Variants in GRIK4 observed in about 807,000 individuals in gnomAD.
The protein encoded by GRIK4 is glutamate receptor ionotropic, kainate 4.
In GRIK4, 40 loss-of-function variants were observed where a neutral mutation model predicts 104.9. The observed-to-expected ratio is 0.38, with a 90% CI of 0.30 to 0.50. GRIK4 has a LOEUF of 0.50. Ranked by LOEUF, GRIK4 falls within the 20% of genes least tolerant of loss-of-function variation. The pLI is 0.93. For missense variants in GRIK4, 1,047 were observed against 1,308.1 expected (o/e 0.80, Z 3.08); for synonymous variants, 485 against 524.9 (o/e 0.92, Z 1.04).
intron 14 of GRIK4, among the ~76,000 whole-genome samples, chr11:120,950,209 G>C (rs934726133): frequency 6.6e-6 from 1 of 152,166 alleles, no homozygotes; most frequent in Admixed American, 6.5e-5. Flanking sequence ...TGCTCTTCTG[G>C]TTGGCGTCAG....
intron 16 of GRIK4, among the ~76,000 whole-genome samples, chr11:120,958,697 T>G (rs760751069): frequency 1.3e-5 from 2 of 152,248 alleles, no homozygotes; most frequent in African/African-American, 2.4e-5. Context: ...GGGTTTGCAC[T>G]GAGCCGCTTG....
At chr11:120,792,449 T>C (rs919474270) in intron 3 of GRIK4, among the ~76,000 whole-genome samples, 5 of 151,836 alleles carry the variant, frequency 3.3e-5, no homozygotes, top group African/African-American at 1.2e-4. Flanking sequence ...CTCTGGCAGC[T>C]AGGAGAGGGT....
chr11:120,871,851 G>A, intron 9 of GRIK4: 1 of 456,340 alleles, frequency 2.2e-6, no homozygotes, highest in Non-Finnish European at 4.4e-6. Context: ...AGGTAGTTTT[G>A]TGATGCGGGT....
At chr11:120,638,407 A>C (rs1949426404) in intron 1 of GRIK4, among the ~76,000 whole-genome samples, 2 of 152,206 alleles carry the variant, frequency 1.3e-5, no homozygotes, top group East Asian at 1.9e-4. Context: ...TTGGTGGTGG[A>C]GCTAGAATTT....
intron 19 of GRIK4, among the ~76,000 whole-genome samples, chr11:120,969,390 C>A (rs1365452528): frequency 6.6e-6 from 1 of 152,112 alleles, no homozygotes; most frequent in Non-Finnish European, 1.5e-5. Context: ...GCATTGCAGG[C>A]AGATACGCAC....
chr11:120,854,109 A>G (rs1240730304), intron 8 of GRIK4, among the ~76,000 whole-genome samples: 1 of 152,262 alleles, frequency 6.6e-6, no homozygotes, highest in Non-Finnish European at 1.5e-5. Flanking sequence ...AGCTTCATTC[A>G]GCCACATCCG....
intron 3 of GRIK4, among the ~76,000 whole-genome samples, chr11:120,717,278 G>A (rs1319737070): frequency 6.6e-6 from 1 of 152,210 alleles, no homozygotes; most frequent in Non-Finnish European, 1.5e-5. Context: ...GGTGGGCAAC[G>A]CTGCAGGAAC....
At chr11:120,728,100 A>G (rs1024846646) in intron 3 of GRIK4, among the ~76,000 whole-genome samples, 1 of 152,178 alleles carries the variant, frequency 6.6e-6, no homozygotes, top group Non-Finnish European at 1.5e-5. Context: ...ATATTAACTC[A>G]GAAGAACCAA....
At chr11:120,759,942 A>G (rs992209903) in intron 3 of GRIK4, among the ~76,000 whole-genome samples, 3 of 152,136 alleles carry the variant, frequency 2.0e-5, no homozygotes, top group Admixed American at 2.0e-4. Flanking sequence ...TAACATGTCT[A>G]TTATCACACA....
Position 120,632,758 on chromosome 11 carries a change from C to T in GRIK4, c.-158-20927C>T, listed in dbSNP as rs1346938674. On this transcript the variant is annotated intron_variant, in intron 1 of 20. Transcript: ENST00000527524. ...GATCTCCTGCAACCCCTTGCACTACCACCAGCATCCCCCAGAGGCTTCTGT... is the reference window on the plus strand; with the variant it reads ...GATCTCCTGCAACCCCTTGCACTACTACCAGCATCCCCCAGAGGCTTCTGT... Among the ~76,000 whole-genome samples, 3 of 152,078 alleles carry T rather than the reference C, an allele frequency of 2.0e-5. No homozygotes were observed. In the East Asian group the frequency reaches 5.8e-4, roughly 30 times the overall value.
intron 1 of GRIK4, among the ~76,000 whole-genome samples, chr11:120,618,002 A>G (rs542165949): frequency 6.6e-6 from 1 of 152,312 alleles, no homozygotes; most frequent in Admixed American, 6.5e-5. Context: ...GCAGAGGCTG[A>G]GAGAGTATGG....
intron 3 of GRIK4, among the ~76,000 whole-genome samples, chr11:120,775,740 C>A (rs1205769445): frequency 1.3e-5 from 2 of 152,256 alleles, no homozygotes; most frequent in Non-Finnish European, 2.9e-5. Flanking sequence ...GACAATCCGA[C>A]AATCCTGATG....
At chr11:120,982,281 G>T in intron 20 of GRIK4, 57 bp downstream of exon 20, 1 of 917,256 alleles carries the variant, frequency 1.1e-6, no homozygotes. Flanking sequence ...AAGTTCACAG[G>T]CTCATGCACA....
intron 1 of GRIK4, among the ~76,000 whole-genome samples, chr11:120,575,094 G>A (rs1050055261): frequency 2.0e-5 from 3 of 152,176 alleles, no homozygotes; most frequent in Non-Finnish European, 2.9e-5. Context: ...TGCTCATCAG[G>A]CTTCTCAGCT....
chr11:120,836,327 T>C (rs1953573903), intron 7 of GRIK4, among the ~76,000 whole-genome samples: 1 of 152,232 alleles, frequency 6.6e-6, no homozygotes, highest in African/African-American at 2.4e-5. Flanking sequence ...GGAGGAATAA[T>C]AGCGCCAACC....
Position 120,961,089 on chromosome 11 carries a change from G to T in GRIK4, c.2040+15G>T. 6.2e-7 allele frequency: 1 copy of T among 1,611,700 alleles called. No individual in the cohort carries two copies. The highest frequency in any genetic ancestry group is 8.5e-7 in the Non-Finnish European group (1 of 1,178,398). Reference sequence around the variant, plus strand: ...CCTTCTTCCAAGTAAACCCCATTTGGTTGCTCACCAGCATCGGGAATTGGG... The same window carrying T: ...CCTTCTTCCAAGTAAACCCCATTTGTTTGCTCACCAGCATCGGGAATTGGG... On this transcript the variant is annotated intron_variant, in intron 17 of 20. Coordinates refer to ENST00000527524, the MANE Select transcript of GRIK4 (RefSeq NM_014619.5).
intron 4 of GRIK4, among the ~76,000 whole-genome samples, chr11:120,810,455 A>G (rs189931252): frequency 6.6e-6 from 1 of 152,272 alleles, no homozygotes; most frequent in Non-Finnish European, 1.5e-5. Flanking sequence ...CTGTGAATAT[A>G]GGGAGGGAGA....
chr11:120,715,171 C>A (rs1162069284), intron 3 of GRIK4, among the ~76,000 whole-genome samples: 2 of 152,148 alleles, frequency 1.3e-5, no homozygotes, highest in African/African-American at 4.8e-5. Flanking sequence ...TTATCCTGGG[C>A]CAGGTGCTGG....
intron 9 of GRIK4, among the ~76,000 whole-genome samples, chr11:120,866,598 TG>T (rs1300036629): frequency 6.6e-6 from 1 of 151,940 alleles, no homozygotes; most frequent in African/African-American, 2.4e-5. Flanking sequence ...ATTCAGTGAG[TG>T]GGGGTGTTCT....
Sources: allele counts gnomAD v4.1 joint callset (sites outside exome capture counted in the v4.1 genomes callset), GRCh38; gene constraint gnomAD v4.1.1; transcripts MANE v1.5; gene names NCBI Gene and HGNC (gene_info 2026-07-23, HGNC 2026-07-21).